Variants in PLXNA2 observed in about 807,000 individuals in gnomAD.
PLXNA2 encodes the protein plexin-A2.
In PLXNA2, 91 loss-of-function variants were observed where a neutral mutation model predicts 193.5. The observed-to-expected ratio is 0.47, with a 90% confidence interval of 0.40 to 0.56. The LOEUF is 0.56. Among genes scored for constraint, PLXNA2 ranks in the 20% least tolerant of loss-of-function variants. The pLI is 0.00. For missense variants in PLXNA2, 1,995 were observed against 2,503.2 expected (o/e 0.80, Z 4.33); for synonymous variants, 997 against 1,027.3 (o/e 0.97, Z 0.56).
chr1:208,103,328 T>C (rs913831141), intron 4 of PLXNA2, 81 bp from the exon 5 acceptor site: 2 of 1,081,584 alleles, frequency 1.8e-6, no homozygotes, highest in Non-Finnish European at 2.7e-6. Context: ...CTGTGTGTAC[T>C]CACACTTGCA....
At chr1:208,053,322 C>T (rs1665323903) in intron 14 of PLXNA2, among the ~76,000 whole-genome samples, 1 of 152,138 alleles carries the variant, frequency 6.6e-6, no homozygotes, top group African/African-American at 2.4e-5. Context: ...CTCTAAAGCC[C>T]CTCTCCGCTC....
chr1:208,125,194 G>A (rs1157460399), intron 4 of PLXNA2, among the ~76,000 whole-genome samples: 1 of 152,192 alleles, frequency 6.6e-6, no homozygotes, highest in African/African-American at 2.4e-5. Flanking sequence ...CGATGCCCAA[G>A]AATCTCATTA....
chr1:208,210,238 G>A (rs1187805556), intron 3 of PLXNA2, 42 bp downstream of exon 3: 1 of 1,593,634 alleles, frequency 6.3e-7, no homozygotes, highest in East Asian at 2.2e-5. Context: ...CTTTGCTGAG[G>A]AGGTGAATGG....
chr1:208,051,166 A>C, intron 16 of PLXNA2, 64 bp from the exon 17 acceptor site: 1 of 1,594,236 alleles, frequency 6.3e-7, no homozygotes, highest in Non-Finnish European at 8.6e-7. Context: ...GTGAACCTCC[A>C]CCTTAGGGAT....
intron 13 of PLXNA2, among the ~76,000 whole-genome samples, chr1:208,057,205 T>C (rs1665458458): frequency 6.6e-6 from 1 of 152,224 alleles, no homozygotes. Context: ...CAGGCTCTGC[T>C]ACAGAGCGGG....
At chr1:208,100,136 G>A (rs531101478) in intron 5 of PLXNA2, among the ~76,000 whole-genome samples, 180 of 152,190 alleles carry the variant, frequency 1.2e-3, no homozygotes, top group Non-Finnish European at 2.1e-3. Context: ...CACTTTGGGA[G>A]GCTAAGATGA....
In PLXNA2 at chr1:208,141,025, G is replaced by A. The variant is rs114921477; in HGVS notation, c.1506+1304C>T. Among the ~76,000 whole-genome samples, 880 of 152,332 alleles carry A rather than the reference G, an allele frequency of 5.8e-3. 8 individuals are homozygous for A. Among genetic ancestry groups the A allele is most frequent in the East Asian group, 0.017 (90 of 5,184 alleles). ...TCTTACCCACTCTAGGTTAGGCAAA[G>A]CTGTCTACAGATCCACAAAATTCCC... On this transcript the variant is annotated intron_variant, in intron 4 of 31. Transcript: ENST00000367033.
At chr1:208,195,372 TG>T (rs1670323395) in intron 3 of PLXNA2, among the ~76,000 whole-genome samples, 1 of 151,790 alleles carries the variant, frequency 6.6e-6, no homozygotes, top group African/African-American at 2.4e-5. Context: ...GCAACCACTT[TG>T]GCCCCAATCT....
intron 3 of PLXNA2, among the ~76,000 whole-genome samples, chr1:208,203,426 G>A (rs1230276465): frequency 1.3e-5 from 2 of 152,216 alleles, no homozygotes; most frequent in African/African-American, 4.8e-5. Context: ...GGTCCCAGGA[G>A]AGCCACTAAG....
At chr1:208,088,442 TC>T (rs1666606049) in intron 9 of PLXNA2, among the ~76,000 whole-genome samples, 1 of 152,262 alleles carries the variant, frequency 6.6e-6, no homozygotes, top group Non-Finnish European at 1.5e-5. Flanking sequence ...GTTCTATCTT[TC>T]CCCTGGGACA....
intron 1 of PLXNA2, among the ~76,000 whole-genome samples, chr1:208,224,439 G>A (rs1207736356): frequency 6.6e-6 from 1 of 151,540 alleles, no homozygotes; most frequent in Non-Finnish European, 1.5e-5. Context: ...GGTACGATTA[G>A]TCTTTTTCTT....
intron 22 of PLXNA2, among the ~76,000 whole-genome samples, chr1:208,040,911 C>G (rs1664847472): frequency 6.6e-6 from 1 of 152,190 alleles, no homozygotes; most frequent in African/African-American, 2.4e-5. Context: ...GCGGCTGTGA[C>G]AGACCCTCAG....
intron 9 of PLXNA2, among the ~76,000 whole-genome samples, chr1:208,092,035 G>A (rs768282344): frequency 7.2e-5 from 11 of 152,172 alleles, no homozygotes; most frequent in Non-Finnish European, 1.6e-4. Context: ...TGGCCATGCT[G>A]GGGTATGAAA....
chr1:208,071,239 G>A (rs557200395), intron 12 of PLXNA2, among the ~76,000 whole-genome samples: 1 of 152,364 alleles, frequency 6.6e-6, no homozygotes, highest in South Asian at 2.1e-4. Context: ...CTCAGCGGAT[G>A]TTCATACTCT....
intron 1 of PLXNA2, among the ~76,000 whole-genome samples, chr1:208,231,810 T>C (rs986405561): frequency 1.3e-5 from 2 of 152,194 alleles, no homozygotes; most frequent in Non-Finnish European, 2.9e-5. Flanking sequence ...GGACTTGGAC[T>C]TGGGGGGTCC....
intron 14 of PLXNA2, among the ~76,000 whole-genome samples, chr1:208,054,011 C>G (rs2078332): frequency 0.52 from 78,420 of 151,994 alleles, 20,957 homozygotes; most frequent in Non-Finnish European, 0.58. Flanking sequence ...ACAAAGCATG[C>G]GGATAAATAT....
At chr1:208,101,302 G>A (rs1332425891) in intron 5 of PLXNA2, among the ~76,000 whole-genome samples, 1 of 152,158 alleles carries the variant, frequency 6.6e-6, no homozygotes, top group South Asian at 2.1e-4. Context: ...AGAGGCCACC[G>A]TGGGGACCCG....
At chr1:208,093,754 T>G (rs994701760) in intron 8 of PLXNA2, among the ~76,000 whole-genome samples, 1 of 152,226 alleles carries the variant, frequency 6.6e-6, no homozygotes, top group Non-Finnish European at 1.5e-5. Context: ...GGGTGAGCAC[T>G]TCTTTCCTTC....
At position 208,027,299 on chromosome 1, in the gene PLXNA2, G is replaced by GC; in HGVS notation, c.5628dup (p.Gln1877AlafsTer6). 1 of 1,613,570 alleles carries GC rather than the reference G, an allele frequency of 6.2e-7. No homozygotes were observed. Among genetic ancestry groups the GC allele is most frequent in the Non-Finnish European group, 8.5e-7 (1 of 1,179,998 alleles). On this transcript the variant is annotated frameshift_variant, in exon 32 of 32. Coordinates refer to ENST00000367033, the MANE Select transcript of PLXNA2 (RefSeq NM_025179.4). LOFTEE classifies it high-confidence loss of function. Reference sequence around the variant, plus strand: ...TGCTCCACCTTATAAGCCAGCCGCTGCCGCCGTGCCTGCTCATCCTGCTCT... The same window carrying GC: ...TGCTCCACCTTATAAGCCAGCCGCTGCCCGCCGTGCCTGCTCATCCTGCTCT...
Sources: allele counts gnomAD v4.1 joint callset (sites outside exome capture counted in the v4.1 genomes callset), GRCh38; gene constraint gnomAD v4.1.1; transcripts MANE v1.5; gene names NCBI Gene and HGNC (gene_info 2026-07-23, HGNC 2026-07-21).